CNTNAP2: variants seen among roughly 807,000 people sequenced by gnomAD.
CNTNAP2 encodes contactin associated protein 2, also known as contactin-associated protein-like 2.
In CNTNAP2, 98 loss-of-function variants were observed where a neutral mutation model predicts 155.2. That is an observed-to-expected ratio of 0.63 (90% CI 0.54 to 0.75). The LOEUF (loss-of-function observed/expected upper bound fraction) is 0.75, where lower values mean the gene tolerates loss of function less well. Among genes scored for constraint, CNTNAP2 ranks in the 30% least tolerant of loss-of-function variants. The pLI is 0.00. For missense variants in CNTNAP2, 1,727 were observed against 1,688.1 expected (o/e 1.02, Z -0.40); for synonymous variants, 651 against 631.2 (o/e 1.03, Z -0.47).
At chr7:146,634,979 T>C (rs928005787) in intron 1 of CNTNAP2, among the ~76,000 whole-genome samples, 4 of 152,172 alleles carry the variant, frequency 2.6e-5, no homozygotes, top group Admixed American at 2.6e-4. Flanking sequence ...CAAAGTTTAC[T>C]GGTAAAGCTA....
At chr7:147,045,343 T>C (rs1210676139) in intron 4 of CNTNAP2, among the ~76,000 whole-genome samples, 6 of 152,198 alleles carry the variant, frequency 3.9e-5, no homozygotes, top group Admixed American at 3.9e-4. Flanking sequence ...AAAGAATATA[T>C]GAAGCTTTCA....
At chr7:146,989,140 A>C (rs1031551215) in intron 3 of CNTNAP2, among the ~76,000 whole-genome samples, 2 of 152,154 alleles carry the variant, frequency 1.3e-5, no homozygotes, top group Non-Finnish European at 2.9e-5. Flanking sequence ...GGAGATAAGT[A>C]TGCAGGAGGT....
chr7:147,673,438 AT>A (rs1795820357), intron 13 of CNTNAP2, among the ~76,000 whole-genome samples: 1 of 152,230 alleles, frequency 6.6e-6, no homozygotes, highest in Admixed American at 6.5e-5. Flanking sequence ...TAGTGAAGTA[AT>A]TATCCACGGA....
chr7:147,704,305 C>T (rs1055479681), intron 13 of CNTNAP2: 1 of 164,102 alleles, frequency 6.1e-6, no homozygotes, highest in Admixed American at 6.3e-5. Flanking sequence ...AAATTATATT[C>T]TCTGATTTTC....
At position 148,420,505 on chromosome 7, in the gene CNTNAP2, G is replaced by A. The variant is rs901975959; in HGVS notation, c.*4889G>A. The A allele has an allele frequency of 6.6e-6, 1 of 151,988 alleles. No individual in the cohort carries two copies. Among genetic ancestry groups the A allele is most frequent in the African/African-American group, 2.4e-5 (1 of 41,354 alleles). The allele number at this position is 151,988 out of a possible 1,614,324, so 9.4% of individuals were successfully genotyped here. A position where few individuals can be genotyped will look rare whatever the true frequency, so the allele number is the denominator to read the frequency against. On this transcript the variant is annotated 3_prime_UTR_variant, in exon 24 of 24. Transcript: ENST00000361727. The stretch of plus-strand genomic sequence containing the variant: ...GCAGGAGATAATAAAAATAAATATG[G>A]GCACACATGTATTAATATACAGCAC...
chr7:147,385,213 A>G (rs1796605462), intron 9 of CNTNAP2, among the ~76,000 whole-genome samples: 1 of 152,188 alleles, frequency 6.6e-6, no homozygotes, highest in Admixed American at 6.5e-5. Flanking sequence ...TGTGGGAGTT[A>G]CAATTCAAAG....
intron 3 of CNTNAP2, among the ~76,000 whole-genome samples, chr7:146,917,693 C>T (rs541626759): frequency 2.6e-5 from 4 of 152,190 alleles, no homozygotes; most frequent in African/African-American, 7.2e-5. Flanking sequence ...TGGGTCTTTC[C>T]TGTGCTATAC....
chr7:146,264,173 G>A (rs778547145), intron 1 of CNTNAP2, among the ~76,000 whole-genome samples: 28 of 152,276 alleles, frequency 1.8e-4, no homozygotes, highest in South Asian at 4.1e-4. Context: ...GCCAGGAGGG[G>A]TGGCTCATGC....
At chr7:148,268,716 G>A (rs957359297) in intron 21 of CNTNAP2, among the ~76,000 whole-genome samples, 2 of 152,084 alleles carry the variant, frequency 1.3e-5, no homozygotes, top group Non-Finnish European at 2.9e-5. Flanking sequence ...CCAGGCTCCA[G>A]TTTAAGCACT....
intron 3 of CNTNAP2, among the ~76,000 whole-genome samples, chr7:146,980,740 A>T (rs1010086107): frequency 2.0e-5 from 3 of 152,112 alleles, no homozygotes; most frequent in Non-Finnish European, 4.4e-5. Flanking sequence ...ACTGCGCTAA[A>T]CTATTCATGA....
At chr7:146,163,792 C>T (rs1401736507) in intron 1 of CNTNAP2, among the ~76,000 whole-genome samples, 1 of 151,534 alleles carries the variant, frequency 6.6e-6, no homozygotes, top group Non-Finnish European at 1.5e-5. Context: ...AGAGGGCAGA[C>T]AAAAGAAAGA....
chr7:148,238,946 T>A (rs1534699), intron 20 of CNTNAP2, among the ~76,000 whole-genome samples: 107,142 of 152,180 alleles, frequency 0.7, 39,209 homozygotes, highest in East Asian at 0.95. Context: ...AAGTTGTTCA[T>A]GCCTTTATTA....
At chr7:146,163,463 T>TTA (rs1798256392) in intron 1 of CNTNAP2, among the ~76,000 whole-genome samples, 1 of 147,732 alleles carries the variant, frequency 6.8e-6, no homozygotes. Flanking sequence ...AAATATCACA[T>TTA]TATATATATC....
chr7:146,370,236 A>C (rs557648195), intron 1 of CNTNAP2, among the ~76,000 whole-genome samples: 1 of 147,142 alleles, frequency 6.8e-6, no homozygotes, highest in African/African-American at 2.6e-5. Context: ...AGCCTGGCCA[A>C]TAGGTGAAAC....
At chr7:146,619,664 C>G (rs1358541425) in intron 1 of CNTNAP2, among the ~76,000 whole-genome samples, 2 of 152,070 alleles carry the variant, frequency 1.3e-5, no homozygotes, top group Non-Finnish European at 2.9e-5. Flanking sequence ...AGACTTCTGA[C>G]CTCAAGCGTG....
intron 1 of CNTNAP2, among the ~76,000 whole-genome samples, chr7:146,614,718 C>G (rs2129154783): frequency 6.6e-6 from 1 of 152,208 alleles, no homozygotes. Context: ...CTAATGTATA[C>G]TGGAGAAGAA....
intron 3 of CNTNAP2, among the ~76,000 whole-genome samples, chr7:146,975,516 G>T (rs781102923): frequency 6.6e-6 from 1 of 152,030 alleles, no homozygotes; most frequent in Non-Finnish European, 1.5e-5. Flanking sequence ...TCACAGGCGC[G>T]TAATCCACAT....
At chr7:146,510,310 C>A (rs1563113171) in intron 1 of CNTNAP2, among the ~76,000 whole-genome samples, 1 of 152,224 alleles carries the variant, frequency 6.6e-6, no homozygotes, top group Non-Finnish European at 1.5e-5. Context: ...TCCAAACCTG[C>A]TGTGTCGTGC....
chr7:146,160,941 C>T (rs1380094409), intron 1 of CNTNAP2, among the ~76,000 whole-genome samples: 1 of 152,094 alleles, frequency 6.6e-6, no homozygotes, highest in Admixed American at 6.6e-5. Flanking sequence ...AATATCGATG[C>T]AAAAATCCTC....
Sources: gnomAD v4.1 joint callset for allele counts (sites outside exome capture counted in the v4.1 genomes callset) on GRCh38, gnomAD v4.1.1 for gene constraint, MANE v1.5 for transcripts, NCBI Gene and HGNC (gene_info 2026-07-23, HGNC 2026-07-21) for gene names.